The following SH3PXD2A variants were observed in gnomAD, a reference collection of about 807,000 sequenced individuals.
SH3PXD2A encodes the protein SH3 and PX domain-containing protein 2A.
SH3PXD2A carries 32 observed loss-of-function variants against 115.2 expected under a neutral mutation model. The ratio of observed to expected loss-of-function variants is 0.28; its 90% confidence interval spans 0.21 to 0.37. The LOEUF is 0.37. Ranked by LOEUF, SH3PXD2A falls within the 10% of genes least tolerant of loss-of-function variation. The pLI, the probability that SH3PXD2A is intolerant of heterozygous loss-of-function variation, is 1.00. For missense variants in SH3PXD2A, 1,328 were observed against 1,498.7 expected, an observed-to-expected ratio of 0.89 and a Z score of 1.88; for synonymous variants, 610 against 629.1, an observed-to-expected ratio of 0.97 and a Z score of 0.45.
intron 3 of SH3PXD2A, among the ~76,000 whole-genome samples, chr10:103,757,958 G>C (rs530361300): frequency 1.4e-4 from 22 of 152,188 alleles, no homozygotes; most frequent in African/African-American, 5.1e-4. Context: ...TGTGTCCTGC[G>C]GCAAAGCCAC....
chr10:103,840,397 C>A (rs1162109977), intron 1 of SH3PXD2A, among the ~76,000 whole-genome samples: 2 of 152,206 alleles, frequency 1.3e-5, no homozygotes, highest in Non-Finnish European at 2.9e-5. Flanking sequence ...ACCAAGCCCA[C>A]CCCCTGCAGT....
intron 10 of SH3PXD2A, among the ~76,000 whole-genome samples, chr10:103,619,035 C>T (rs967382576): frequency 6.7e-6 from 1 of 150,246 alleles, no homozygotes; most frequent in African/African-American, 2.4e-5. Context: ...AACGGCTGCC[C>T]AAAAGCAGAA....
chr10:103,623,297 G>C (rs920590177), intron 9 of SH3PXD2A, among the ~76,000 whole-genome samples: 1 of 151,630 alleles, frequency 6.6e-6, no homozygotes, highest in African/African-American at 2.4e-5. Flanking sequence ...CACTGCTCCT[G>C]ACCCCGTGCC....
intron 1 of SH3PXD2A, among the ~76,000 whole-genome samples, chr10:103,836,322 C>T (rs1319599772): frequency 7.9e-5 from 12 of 151,730 alleles, no homozygotes; most frequent in Admixed American, 7.9e-4. Flanking sequence ...ACACATCCTC[C>T]AGCACACACA....
chr10:103,779,754 C>T (rs905622770), intron 2 of SH3PXD2A, among the ~76,000 whole-genome samples: 11 of 152,116 alleles, frequency 7.2e-5, no homozygotes, highest in African/African-American at 2.7e-4. Flanking sequence ...GGAAGTCTGC[C>T]CAGATTTGAG....
chr10:103,608,150 TAAAAA>T (rs1554903074), intron 13 of SH3PXD2A, among the ~76,000 whole-genome samples: 1 of 32,670 alleles, frequency 3.1e-5, no homozygotes, highest in Non-Finnish European at 4.5e-5. Flanking sequence ...ATGATCAATT[TAAAAA>T]AAAAAAAAAA....
At chr10:103,786,509 AT>A (rs2038982537) in intron 2 of SH3PXD2A, among the ~76,000 whole-genome samples, 1 of 152,086 alleles carries the variant, frequency 6.6e-6, no homozygotes, top group African/African-American at 2.4e-5. Context: ...TCTACAAAAA[AT>A]TTAAAAATTA....
chr10:103,804,648 G>A (rs1480492314), intron 1 of SH3PXD2A, among the ~76,000 whole-genome samples: 2 of 151,988 alleles, frequency 1.3e-5, no homozygotes, highest in African/African-American at 2.4e-5. Context: ...TTAAATAAAG[G>A]TGTGGGTGGT....
At chr10:103,854,660 T>C (rs574004868) in intron 1 of SH3PXD2A, among the ~76,000 whole-genome samples, 8 of 152,196 alleles carry the variant, frequency 5.3e-5, no homozygotes, top group Admixed American at 1.3e-4. Context: ...ATGAGGGAAA[T>C]CAAAGCTTAG....
chr10:103,762,177 A>G (rs1223396142), intron 3 of SH3PXD2A, among the ~76,000 whole-genome samples: 1 of 151,984 alleles, frequency 6.6e-6, no homozygotes, highest in Non-Finnish European at 1.5e-5. Context: ...ATGTGCCACT[A>G]TGCCTGGCTA....
intron 8 of SH3PXD2A, among the ~76,000 whole-genome samples, chr10:103,653,962 T>C (rs142026668): frequency 2.1e-4 from 31 of 150,452 alleles, no homozygotes; most frequent in East Asian, 4.0e-4. Context: ...TTGGGGCACA[T>C]AGATGCATGC....
intron 2 of SH3PXD2A, among the ~76,000 whole-genome samples, chr10:103,791,037 T>G (rs955644436): frequency 6.6e-6 from 1 of 152,200 alleles, no homozygotes; most frequent in African/African-American, 2.4e-5. Flanking sequence ...GGGGGAGCAG[T>G]GATGCCCCCA....
rs1045404504 is a variant in SH3PXD2A, at chr10:103,627,784, G to A, written c.605-582C>T. On this transcript the variant is annotated intron_variant, in intron 8 of 14. Transcript: ENST00000369774. This position sits in a 1 kb window ranked among gnomAD's most constrained non-coding sequence, Gnocchi z 4.4. ...GCTGATGCTTGACGATCATGGCCAC[G>A]TGATAAAGCCTCATTCATCTTATTT... is the stretch of plus-strand genomic sequence containing the variant. Among the ~76,000 whole-genome samples, 6 of 152,228 alleles carry A rather than the reference G, an allele frequency of 3.9e-5. No homozygotes were observed. Among genetic ancestry groups the A allele is most frequent in the African/African-American group, 1.2e-4 (5 of 41,470 alleles).
chr10:103,727,153 A>T (rs548081143), intron 4 of SH3PXD2A, among the ~76,000 whole-genome samples: 11 of 152,232 alleles, frequency 7.2e-5, no homozygotes, highest in Non-Finnish European at 1.5e-4. Context: ...CTGGAGGTAG[A>T]CATCATTGCC....
chr10:103,763,082 C>T (rs1341489780), intron 3 of SH3PXD2A, among the ~76,000 whole-genome samples: 1 of 152,180 alleles, frequency 6.6e-6, no homozygotes, highest in Non-Finnish European at 1.5e-5. Flanking sequence ...CCAGACATAT[C>T]ACAAGACTGT....
intron 2 of SH3PXD2A, among the ~76,000 whole-genome samples, chr10:103,774,142 T>C (rs2038856658): frequency 6.6e-6 from 1 of 152,236 alleles, no homozygotes; most frequent in East Asian, 1.9e-4. Context: ...AAAAAAGTTT[T>C]GTTTCTACTC....
At position 103,671,767 on chromosome 10, in the gene SH3PXD2A, T is replaced by TG. The variant is rs537589546; in HGVS notation, c.428-3116dup. Among the ~76,000 whole-genome samples, 20 of 128,336 alleles carry TG rather than the reference T, an allele frequency of 1.6e-4. No individual in the cohort carries two copies. In the South Asian group the frequency reaches 3.1e-3, roughly 20 times the overall value. The allele number at this position is 128,336 out of a possible 152,430, so 84.2% of individuals were successfully genotyped here. On this transcript the variant is annotated intron_variant, in intron 6 of 14. Coordinates refer to ENST00000369774, the MANE Select transcript of SH3PXD2A (RefSeq NM_001394015.1). ...CAGAGGGACAGGGGTGAAGGAGCAG[T>TG]GGGGGGGAGGCGGGGGGCGCAGCCA...
At chr10:103,837,290 G>A (rs2039554320) in intron 1 of SH3PXD2A, among the ~76,000 whole-genome samples, 1 of 152,170 alleles carries the variant, frequency 6.6e-6, no homozygotes, top group African/African-American at 2.4e-5. Context: ...AGGCAGCCTG[G>A]TGTGGGGACC....
At chr10:103,854,995 CG>C (rs547648511) in intron 1 of SH3PXD2A, among the ~76,000 whole-genome samples, 199 bp downstream of exon 1, 1 of 152,060 alleles carries the variant, frequency 6.6e-6, no homozygotes, top group South Asian at 2.1e-4. Context: ...AAAAAGAAAC[CG>C]GGGGGGCGGG....
Sources: gnomAD v4.1 joint callset for allele counts (sites outside exome capture counted in the v4.1 genomes callset) on GRCh38, gnomAD v4.1.1 for gene constraint, Gnocchi (gnomAD v3.1) non-coding constraint, MANE v1.5 for transcripts, NCBI Gene and HGNC (gene_info 2026-07-23, HGNC 2026-07-21) for gene names.